Variants in C22orf39 observed in about 807,000 individuals in gnomAD.
C22orf39 encodes synaptic plasticity regulator PANTS.
A neutral mutation model predicts 18.3 loss-of-function variants in C22orf39; 20 were observed. The ratio of observed to expected loss-of-function variants is 1.09; its 90% confidence interval spans 0.77 to 1.59. The LOEUF is 1.59. Ranked by LOEUF, C22orf39 falls within the 40% of genes most tolerant of loss-of-function variation. The pLI is 0.00. For synonymous variants in C22orf39, 63 were observed against 59.6 expected, an observed-to-expected ratio of 1.06 and a Z score of -0.26; for missense variants, 195 against 156.1, an observed-to-expected ratio of 1.25 and a Z score of -1.33.
rs568626723 is a variant in C22orf39, at chr22:19,447,408, G to T, written c.162C>A (p.Asp54Glu). 2.6e-4 allele frequency: 398 copies of T among 1,505,964 alleles called. 3 individuals are homozygous for T. In the East Asian group the frequency reaches 9.8e-3, roughly 37 times the overall value. 93.3% of individuals were successfully genotyped at this position (1,505,964 alleles called of 1,614,324 possible). The part of the protein sequence containing the change: ...QWQRDLASCR[D>E]WEERRNAEAQ... ...CCTCGGCGTTCCGGCGCTCCTCCCAGTCGCGGCAGCTGGCCAGGTCGCGCT... is the reference window on the plus strand; with the variant it reads ...CCTCGGCGTTCCGGCGCTCCTCCCATTCGCGGCAGCTGGCCAGGTCGCGCT... The change falls in exon 2 of 3, where the codon GAC (aspartate) becomes GAA (glutamate). Residue 54 changes from aspartate (D) to glutamate (E), a missense_variant. Transcript: ENST00000399562.
chr22:19,441,934 ACAAATG>A lies in C22orf39; in HGVS notation c.*2325_*2330del. On this transcript the variant is annotated 3_prime_UTR_variant, in exon 3 of 3. Transcript: ENST00000399562. ...CTCAGCCTCCGAAGTAGCTGGAACT[ACAAATG>A]CACGCCACCATGCATAGCTCATTTA... The A allele has an allele frequency of 1.9e-5, 9 of 470,506 alleles. No homozygotes were observed. Among genetic ancestry groups the A allele is most frequent in the Admixed American group, 1.2e-4 (3 of 24,826 alleles). 29.1% of individuals were successfully genotyped at this position (470,506 alleles called of 1,614,324 possible).
chr22:19,445,118 T>C (rs1005501416), intron 2 of C22orf39, among the ~76,000 whole-genome samples: 3 of 152,266 alleles, frequency 2.0e-5, no homozygotes, highest in African/African-American at 7.2e-5. Context: ...TTTAAAAAGC[T>C]ATCAGAAATG....
chr22:19,447,130 G>A (rs1429360393), intron 2 of C22orf39, among the ~76,000 whole-genome samples: 1 of 142,970 alleles, frequency 7.0e-6, no homozygotes, highest in African/African-American at 2.6e-5. Context: ...AACACCGGAC[G>A]GCTGCCCTCT....
At chr22:19,447,335 C>T (rs566698772) in intron 2 of C22orf39, 43 bp downstream of exon 2, 6 of 1,424,416 alleles carry the variant, frequency 4.2e-6, no homozygotes, top group Middle Eastern at 5.0e-4. Flanking sequence ...AGCTGGGCCC[C>T]GCAAGGCGCT....
At position 19,441,850 on chromosome 22, in the gene C22orf39, T is replaced by A. The variant is rs981003184; in HGVS notation, c.*2415A>T. 3 of 937,010 alleles carry A rather than the reference T, an allele frequency of 3.2e-6. No individual in the cohort carries two copies. In the African/African-American group the frequency reaches 5.1e-5, roughly 16 times the overall value. 58.0% of individuals were successfully genotyped at this position (937,010 alleles called of 1,614,324 possible). On this transcript the variant is annotated 3_prime_UTR_variant, in exon 3 of 3. Transcript: ENST00000399562. ...CTCTGTCACCCAGGTTGAAGTGCAG[T>A]GGGGCACAATCATGGCTCACTGCAG...
Position 19,447,442 on chromosome 22 carries a change from T to A in C22orf39, c.128A>T (p.Glu43Val). ...YYVHGERPAC[E>V]QWQRDLASCR... ...GCTGGCCAGGTCGCGCTGCCACTGT[T>A]CGCAGGCCGGCCGCTCGCCGTGGAC... The change falls in exon 2 of 3, where the codon GAA (glutamate) becomes GTA (valine). Residue 43 changes from glutamate to valine, a missense_variant. Physicochemically the swap from Glu to Val is moderately radical, Grantham distance 121. Coordinates refer to ENST00000399562, the MANE Select transcript of C22orf39 (RefSeq NM_173793.5). 1.3e-6 allele frequency: 2 copies of A among 1,512,508 alleles called. No homozygotes were observed. The highest frequency in any genetic ancestry group is 1.8e-6 in the Non-Finnish European group (2 of 1,138,758). The allele number at this position is 1,512,508 out of a possible 1,614,324, so 93.7% of individuals were successfully genotyped here. A position where few individuals can be genotyped will look rare whatever the true frequency, so the allele number is the denominator to read the frequency against.
chr22:19,446,357 T>G (rs542274408), intron 2 of C22orf39, among the ~76,000 whole-genome samples: 1 of 152,348 alleles, frequency 6.6e-6, no homozygotes, highest in Admixed American at 6.5e-5. Context: ...GGTTTCCACA[T>G]CAGTTCATCT....
rs779023110 is a variant in C22orf39 at position 19,443,681 on chromosome 22, ACCT to A, written c.*581_*583del. Reference sequence around the variant, plus strand: ...TAAAAACCAGAGTCTCCAGGGGCCGACCTGGGAGCCTAAGAAGTGAAGCCTGCT... The same window carrying A: ...TAAAAACCAGAGTCTCCAGGGGCCGAGGGAGCCTAAGAAGTGAAGCCTGCT... On this transcript the variant is annotated 3_prime_UTR_variant, in exon 3 of 3. Transcript: ENST00000399562. 7.9e-4 allele frequency: 781 copies of A among 984,816 alleles called. 3 individuals are homozygous for A. Among genetic ancestry groups the A allele is most frequent in the Non-Finnish European group, 9.1e-4 (753 of 829,892 alleles). 61.0% of individuals were successfully genotyped at this position (984,816 alleles called of 1,614,324 possible). A position where few individuals can be genotyped will look rare whatever the true frequency, so the allele number is the denominator to read the frequency against.
rs911623771 is a variant in C22orf39, at chr22:19,441,262, C to T, written c.*3003G>A. The T allele has an allele frequency of 3.8e-5, 7 of 181,940 alleles. No individual in the cohort carries two copies. The highest frequency in any genetic ancestry group is 1.8e-4 in the Admixed American group (3 of 16,592). The allele number at this position is 181,940 out of a possible 1,614,324, so 11.3% of individuals were successfully genotyped here. A position where few individuals can be genotyped will look rare whatever the true frequency, so the allele number is the denominator to read the frequency against. On this transcript the variant is annotated 3_prime_UTR_variant, in exon 3 of 3. Coordinates refer to ENST00000399562, the MANE Select transcript of C22orf39 (RefSeq NM_173793.5). ...AATCTGTTTTCCATCTCTATAATTA[C>T]ATTATTTCACCAATGTTACATAAAT...
chr22:19,447,537 G>C lies in C22orf39; in HGVS notation c.33C>G (p.Arg11=). The change falls in exon 2 of 3, where the codon CGC becomes CGG. Residue 11 remains arginine (R), a synonymous_variant. Coordinates refer to ENST00000399562, the MANE Select transcript of C22orf39 (RefSeq NM_173793.5). MADGSGWQPP[R]PCEAYRAEWK... ...ACTCGGCGCGGTAGGCCTCGCAGGG[G>C]CGCGGCGGCTGCGGCGAGAGGCGGC... 1 of 1,442,456 alleles carries C rather than the reference G, an allele frequency of 6.9e-7. No individual in the cohort carries two copies. The highest frequency in any genetic ancestry group is 9.1e-7 in the Non-Finnish European group (1 of 1,102,472). The allele number at this position is 1,442,456 out of a possible 1,614,324, so 89.4% of individuals were successfully genotyped here.
Position 19,441,800 on chromosome 22 carries a change from T to C in C22orf39, c.*2465A>G, listed in dbSNP as rs993448799. 2.8e-6 allele frequency: 4 copies of C among 1,410,026 alleles called. No homozygotes were observed. The highest frequency in any genetic ancestry group is 3.8e-6 in the Non-Finnish European group (4 of 1,059,660). 87.3% of individuals were successfully genotyped at this position (1,410,026 alleles called of 1,614,324 possible). On this transcript the variant is annotated 3_prime_UTR_variant, in exon 3 of 3. Coordinates refer to ENST00000399562, the MANE Select transcript of C22orf39 (RefSeq NM_173793.5). The stretch of plus-strand genomic sequence containing the variant: ...TTCAGAAATTACCACCATTTTATTT[T>C]TATTTATTTTGAGACAGGATATTGC...
At position 19,443,722 on chromosome 22, in the gene C22orf39, C is replaced by T. The variant is rs1372442320; in HGVS notation, c.*543G>A. ...AGTGAAGCCTGCTGGTGCAGAGGGG[C>T]CAGCAAGCCCTACCTGCTCGGCACA... On this transcript the variant is annotated 3_prime_UTR_variant, in exon 3 of 3. Transcript: ENST00000399562. 4.1e-6 allele frequency: 4 copies of T among 984,714 alleles called. No homozygotes were observed. Among genetic ancestry groups the T allele is most frequent in the African/African-American group, 3.5e-5 (2 of 57,008 alleles). 61.0% of individuals were successfully genotyped at this position (984,714 alleles called of 1,614,324 possible).
Position 19,442,711 on chromosome 22 carries a change from G to A in C22orf39, c.*1554C>T, listed in dbSNP as rs1490319081. 1 of 152,230 alleles carries A rather than the reference G, an allele frequency of 6.6e-6. No individual in the cohort carries two copies. Among genetic ancestry groups the A allele is most frequent in the African/African-American group, 2.4e-5 (1 of 41,454 alleles). The allele number at this position is 152,230 out of a possible 1,614,324, so 9.4% of individuals were successfully genotyped here. ...AGCTTCCCGAGTAGCTGGGATCACA[G>A]GCACGTGCCACCATGCCCAGTTAAT... On this transcript the variant is annotated 3_prime_UTR_variant, in exon 3 of 3. Transcript: ENST00000399562.
rs531867228 is a variant in C22orf39 at position 19,441,025 on chromosome 22, C to G, written c.*3240G>C. On this transcript the variant is annotated 3_prime_UTR_variant, in exon 3 of 3. Coordinates refer to ENST00000399562, the MANE Select transcript of C22orf39 (RefSeq NM_173793.5). ...TATACACTACAGCACAGCATCAGGA[C>G]GCAGAAATTGACATTGGTACAGTCT... The G allele has an allele frequency of 6.6e-6, 1 of 152,304 alleles. No homozygotes were observed. Among genetic ancestry groups the G allele is most frequent in the African/African-American group, 2.4e-5 (1 of 41,430 alleles). 9.4% of individuals were successfully genotyped at this position (152,304 alleles called of 1,614,324 possible).
At position 19,441,992 on chromosome 22, in the gene C22orf39, C is replaced by T. The variant is rs117554245; in HGVS notation, c.*2273G>A. ...TTTTTGTAGAGATGGGGTCTTGTTA[C>T]GTTGCCCAGGCTGGTCTCGAACTCC... On this transcript the variant is annotated 3_prime_UTR_variant, in exon 3 of 3. Transcript: ENST00000399562. 10,577 of 246,488 alleles carry T rather than the reference C, an allele frequency of 0.043. 402 individuals carry two copies. Among genetic ancestry groups the T allele is most frequent in the East Asian group, 0.11 (1,232 of 10,892 alleles). 15.3% of individuals were successfully genotyped at this position (246,488 alleles called of 1,614,324 possible).
In C22orf39 at chr22:19,447,705, C is replaced by T; in HGVS notation, c.-17G>A. 2 of 1,604,306 alleles carry T rather than the reference C, an allele frequency of 1.2e-6. No homozygotes were observed. The highest frequency in any genetic ancestry group is 1.7e-6 in the Non-Finnish European group (2 of 1,176,540). The stretch of plus-strand genomic sequence containing the variant: ...GTCCGCCATGTCTGGGCGACCGGCG[C>T]GCCAAGCCCGCCCCTCAGTCCGCCA... On this transcript the variant is annotated 5_prime_UTR_variant, in exon 1 of 3. Transcript: ENST00000399562.
At position 19,440,938 on chromosome 22, in the gene C22orf39, T is replaced by A. The variant is rs549817717; in HGVS notation, c.*3327A>T. ...AATTATAGATTCACAGGAGGTTGCATAGGAGGTTGTCTAGGGAGGTCCTGG... is the reference window on the plus strand; with the variant it reads ...AATTATAGATTCACAGGAGGTTGCAAAGGAGGTTGTCTAGGGAGGTCCTGG... On this transcript the variant is annotated 3_prime_UTR_variant, in exon 3 of 3. Transcript: ENST00000399562. 1 of 152,226 alleles carries A rather than the reference T, an allele frequency of 6.6e-6. No individual in the cohort carries two copies. The highest frequency in any genetic ancestry group is 2.4e-5 in the African/African-American group (1 of 41,448). The allele number at this position is 152,226 out of a possible 1,614,324, so 9.4% of individuals were successfully genotyped here. A position where few individuals can be genotyped will look rare whatever the true frequency, so the allele number is the denominator to read the frequency against.
chr22:19,443,063 G>A lies in C22orf39; in HGVS notation c.*1202C>T. On this transcript the variant is annotated 3_prime_UTR_variant, in exon 3 of 3. Transcript: ENST00000399562. ...TCCTCTTTAGATGCTCCTGCTCTTGGGATCCCGTGAGCACAACCCCCACCC... is the reference window on the plus strand; with the variant it reads ...TCCTCTTTAGATGCTCCTGCTCTTGAGATCCCGTGAGCACAACCCCCACCC... 1 of 901,814 alleles carries A rather than the reference G, an allele frequency of 1.1e-6. No homozygotes were observed. The highest frequency in any genetic ancestry group is 1.3e-6 in the Non-Finnish European group (1 of 754,062). 55.9% of individuals were successfully genotyped at this position (901,814 alleles called of 1,614,324 possible). A position where few individuals can be genotyped will look rare whatever the true frequency, so the allele number is the denominator to read the frequency against.
intron 2 of C22orf39, among the ~76,000 whole-genome samples, chr22:19,445,568 C>T (rs1254295142): frequency 6.6e-6 from 1 of 152,076 alleles, no homozygotes; most frequent in Non-Finnish European, 1.5e-5. Context: ...CACCTGACAC[C>T]CCCACCAACA....
Sources: allele counts gnomAD v4.1 joint callset (sites outside exome capture counted in the v4.1 genomes callset), GRCh38; gene constraint gnomAD v4.1.1; transcripts MANE v1.5; gene names NCBI Gene and HGNC (gene_info 2026-07-23, HGNC 2026-07-21).